DDA1: variants seen among roughly 807,000 people sequenced by gnomAD.
DDA1 encodes DET1- and DDB1-associated protein 1.
In DDA1, 3 loss-of-function variants were observed where a neutral mutation model predicts 18.6. That is an observed-to-expected ratio of 0.16 (90% CI 0.07 to 0.42). The LOEUF is 0.42. DDA1 is among the 10% of genes least tolerant of loss of function. DDA1 has a pLI of 0.99. For missense variants in DDA1, 105 were observed against 138.2 expected (o/e 0.76, Z 1.20); for synonymous variants, 52 against 54.0 (o/e 0.96, Z 0.17).
chr19:17,317,847 AAAAAT>A lies in DDA1; in HGVS notation c.199-1696_199-1692del, dbSNP rs917402983. ...GAACCAGACTCTGTCTCTAGAAAAT[AAAAAT>A]AAGAGGGTGTAGTTGCAGCGAAGAG... On this transcript the variant is annotated intron_variant, in intron 4 of 4. Coordinates refer to ENST00000359866, the MANE Select transcript of DDA1 (RefSeq NM_024050.6). 1.6e-4 allele frequency among the ~76,000 whole-genome samples: 24 copies of A among 152,062 alleles called. 1 individual carries two copies. The highest frequency in any genetic ancestry group is 5.6e-4 in the African/African-American group (23 of 41,390).
At chr19:17,315,106 TATATATAC>T (rs1568353478) in intron 3 of DDA1, among the ~76,000 whole-genome samples, 5 of 127,888 alleles carry the variant, frequency 3.9e-5, no homozygotes, top group African/African-American at 1.7e-4. Flanking sequence ...TATACACACA[TATATATAC>T]ACACACGTAT....
Position 17,313,301 on chromosome 19 carries a change from T to C in DDA1, c.4-722T>C, listed in dbSNP as rs117527962. Among the ~76,000 whole-genome samples, 52 of 152,006 alleles carry C rather than the reference T, an allele frequency of 3.4e-4. No homozygotes were observed. The East Asian group carries it at 7.7e-3, about 23-fold the overall frequency. On this transcript the variant is annotated intron_variant, in intron 1 of 4. Coordinates refer to ENST00000359866, the MANE Select transcript of DDA1 (RefSeq NM_024050.6). The stretch of plus-strand genomic sequence containing the variant: ...TAGGGAGACACTACCTCCTGCCCCA[T>C]TGGGTCAGGAGATCATACATAGTGA...
intron 1 of DDA1, among the ~76,000 whole-genome samples, chr19:17,310,785 T>TTA (rs71336603): frequency 0.26 from 39,129 of 151,980 alleles, 5,335 homozygotes; most frequent in South Asian, 0.38. Flanking sequence ...CATAAGTGGA[T>TTA]TAGATTGTCT....
Position 17,311,872 on chromosome 19 carries a change from G to A in DDA1, c.4-2151G>A, listed in dbSNP as rs528116322. 5.9e-5 allele frequency among the ~76,000 whole-genome samples: 9 copies of A among 152,268 alleles called. No homozygotes were observed. In the South Asian group the frequency reaches 6.2e-4, roughly 11 times the overall value. On this transcript the variant is annotated intron_variant, in intron 1 of 4. Coordinates refer to ENST00000359866, the MANE Select transcript of DDA1 (RefSeq NM_024050.6). The stretch of plus-strand genomic sequence containing the variant: ...CTGAGGCACCTGTGAGGGCCCAGCC[G>A]TGGCTGGCATTTGTCTGGAATGAGG...
chr19:17,317,386 G>A (rs1378404256), intron 4 of DDA1, among the ~76,000 whole-genome samples: 2 of 151,936 alleles, frequency 1.3e-5, no homozygotes, highest in Non-Finnish European at 2.9e-5. Flanking sequence ...GTGTGGCGGC[G>A]GGTGCCTGTA....
chr19:17,309,671 C>G lies in DDA1; in HGVS notation c.3+14C>G, dbSNP rs749185153. ...AAACAGAAGATGGTGAGGATGGCCT[C>G]CAGGCCCCCACTCCCCCTCTGCTAG... On this transcript the variant is annotated intron_variant, in intron 1 of 4. Coordinates refer to ENST00000359866, the MANE Select transcript of DDA1 (RefSeq NM_024050.6). The G allele has an allele frequency of 3.1e-6, 5 of 1,612,398 alleles. No homozygotes were observed. The highest frequency in any genetic ancestry group is 8.5e-7 in the Non-Finnish European group (1 of 1,179,080).
At chr19:17,312,430 G>C (rs772383994) in intron 1 of DDA1, among the ~76,000 whole-genome samples, 1 of 152,140 alleles carries the variant, frequency 6.6e-6, no homozygotes, top group Non-Finnish European at 1.5e-5. Context: ...AGGTTAGCAG[G>C]TATTTGCCAC....
Position 17,312,091 on chromosome 19 carries a change from C to T in DDA1, c.4-1932C>T, listed in dbSNP as rs146841349. On this transcript the variant is annotated intron_variant, in intron 1 of 4. Transcript: ENST00000359866. ...CTCAGAGTAACCCTGGGAGGTGGCC[C>T]TGTTGGAATGCGTCTCTTCACAGGG... 1.7e-3 allele frequency among the ~76,000 whole-genome samples: 256 copies of T among 152,258 alleles called. 4 individuals are homozygous for T. The highest frequency in any genetic ancestry group is 0.015 in the Admixed American group (234 of 15,290).
intron 1 of DDA1, among the ~76,000 whole-genome samples, chr19:17,311,558 A>G (rs1338566510): frequency 6.6e-6 from 1 of 151,998 alleles, no homozygotes; most frequent in Non-Finnish European, 1.5e-5. Flanking sequence ...GCCCCTGGCC[A>G]CCTCTATGAC....
rs2074195320 is a variant in DDA1, at chr19:17,314,896, C to A, written c.136+507C>A. Among the ~76,000 whole-genome samples, 2 of 151,856 alleles carry A rather than the reference C, an allele frequency of 1.3e-5. No homozygotes were observed. The highest frequency in any genetic ancestry group is 4.2e-4 in the South Asian group (2 of 4,816). On this transcript the variant is annotated intron_variant, in intron 3 of 4. Coordinates refer to ENST00000359866, the MANE Select transcript of DDA1 (RefSeq NM_024050.6). The surrounding 1 kb of genome is among the most constrained non-coding windows in gnomAD (Gnocchi z 4.6). ...TGGGAAGGGGGTCCAGGCAAAGGGG[C>A]CCACAGCACAGGAGGACTTGGTCTT...
chr19:17,314,530 C>G lies in DDA1; in HGVS notation c.136+141C>G. 1 of 1,153,352 alleles carries G rather than the reference C, an allele frequency of 8.7e-7. No individual in the cohort carries two copies. The highest frequency in any genetic ancestry group is 1.2e-6 in the Non-Finnish European group (1 of 802,492). The allele number at this position is 1,153,352 out of a possible 1,614,324, so 71.4% of individuals were successfully genotyped here. ...GGGTTCACACGCTGTCTACTGAATC[C>G]AGTTAAGTCAGGGAGGGCCTCCAGG... On this transcript the variant is annotated intron_variant, in intron 3 of 4. Coordinates refer to ENST00000359866, the MANE Select transcript of DDA1 (RefSeq NM_024050.6). The surrounding 1 kb of genome is among the most constrained non-coding windows in gnomAD (Gnocchi z 4.6).
intron 3 of DDA1, among the ~76,000 whole-genome samples, chr19:17,315,444 A>ATG (rs1216883798): frequency 1.6e-5 from 2 of 121,968 alleles, no homozygotes; most frequent in Non-Finnish European, 3.6e-5. Context: ...ATATATATAT[A>ATG]TATATATATA....
chr19:17,323,001 T>A lies in DDA1; in HGVS notation c.*3345T>A, dbSNP rs2074247310. The A allele has an allele frequency of 6.6e-6, 1 of 152,282 alleles. No individual in the cohort carries two copies. Among genetic ancestry groups the A allele is most frequent in the Non-Finnish European group, 1.5e-5 (1 of 68,060 alleles). The allele number at this position is 152,282 out of a possible 1,614,324, so 9.4% of individuals were successfully genotyped here. A position where few individuals can be genotyped will look rare whatever the true frequency, so the allele number is the denominator to read the frequency against. ...GCACTTAGAGATTCCTTCCTTTGTC[T>A]AGTGGCTGAAGCCAGGGCTGAAGTT... On this transcript the variant is annotated 3_prime_UTR_variant, in exon 5 of 5. Coordinates refer to ENST00000359866, the MANE Select transcript of DDA1 (RefSeq NM_024050.6).
rs1047234967 is a variant in DDA1, at chr19:17,321,433, A to T, written c.*1777A>T. On this transcript the variant is annotated 3_prime_UTR_variant, in exon 5 of 5. Coordinates refer to ENST00000359866, the MANE Select transcript of DDA1 (RefSeq NM_024050.6). ...ACCTGGCTGCCTGGCTAATATTTTA[A>T]AAATTTTTTGTAGAGACAGGGTTTC... is the stretch of plus-strand genomic sequence containing the variant. 1 of 151,978 alleles carries T rather than the reference A, an allele frequency of 6.6e-6. No individual in the cohort carries two copies. The highest frequency in any genetic ancestry group is 2.4e-5 in the African/African-American group (1 of 41,312). 9.4% of individuals were successfully genotyped at this position (151,978 alleles called of 1,614,324 possible).
chr19:17,313,695 G>A (rs1036715480), intron 1 of DDA1, among the ~76,000 whole-genome samples: 9 of 152,022 alleles, frequency 5.9e-5, no homozygotes, highest in African/African-American at 2.2e-4. Flanking sequence ...CGCCCGCCTC[G>A]GCCTCCCAAA....
intron 1 of DDA1, among the ~76,000 whole-genome samples, chr19:17,312,802 G>T (rs1271969280): frequency 6.6e-6 from 1 of 152,196 alleles, no homozygotes; most frequent in Non-Finnish European, 1.5e-5. Flanking sequence ...GAATGAAGCT[G>T]GCCCCAGAGC....
rs186093865 is a variant in DDA1, at chr19:17,316,979, C to T, written c.198+984C>T. Among the ~76,000 whole-genome samples, 22 of 152,268 alleles carry T rather than the reference C, an allele frequency of 1.4e-4. No individual in the cohort carries two copies. In the East Asian group the frequency reaches 2.7e-3, roughly 19 times the overall value. ...TGGTGGCTCACACCTGTAATCCCCG[C>T]GCTTTGGGAGGCCTACGCAGGCGGA... On this transcript the variant is annotated intron_variant, in intron 4 of 4. Transcript: ENST00000359866.
At chr19:17,319,431 G>A (rs2074228816) in intron 4 of DDA1, 115 bp from the exon 5 acceptor site, 7 of 763,118 alleles carry the variant, frequency 9.2e-6, no homozygotes, top group African/African-American at 1.8e-5. Flanking sequence ...GTGGTGGTAT[G>A]TGCCTGTAGT....
At chr19:17,312,664 G>A (rs1310735147) in intron 1 of DDA1, among the ~76,000 whole-genome samples, 1 of 152,204 alleles carries the variant, frequency 6.6e-6, no homozygotes, top group Non-Finnish European at 1.5e-5. Context: ...GAGGCACCCT[G>A]TCCTGCAGCC....
Sources: allele counts gnomAD v4.1 joint callset (sites outside exome capture counted in the v4.1 genomes callset), GRCh38; gene constraint gnomAD v4.1.1; non-coding constraint Gnocchi (gnomAD v3.1); transcripts MANE v1.5; gene names NCBI Gene and HGNC (gene_info 2026-07-23, HGNC 2026-07-21).